COL14A1: variants seen among roughly 807,000 people sequenced by gnomAD.
COL14A1 encodes the protein collagen alpha-1(XIV) chain.
Under a neutral mutation model 230.3 loss-of-function variants are expected in COL14A1, and 136 were observed. The observed-to-expected ratio is 0.59, with a 90% CI of 0.51 to 0.68. The LOEUF (loss-of-function observed/expected upper bound fraction) is 0.68, where lower values mean the gene tolerates loss of function less well. COL14A1 is among the 30% of genes least tolerant of loss of function. COL14A1 has a pLI of 0.00. For missense variants in COL14A1, 1,976 were observed against 2,215.8 expected, an observed-to-expected ratio of 0.89 and a Z score of 2.17; for synonymous variants, 792 against 784.1, an observed-to-expected ratio of 1.01 and a Z score of -0.17.
chr8:120,192,716 C>G (rs1298066408), intron 5 of COL14A1, among the ~76,000 whole-genome samples: 1 of 152,230 alleles, frequency 6.6e-6, no homozygotes, highest in East Asian at 1.9e-4. Flanking sequence ...TTCACGTAGT[C>G]CCATATTTCT....
At chr8:120,318,234 A>G (rs943143600) in intron 40 of COL14A1, among the ~76,000 whole-genome samples, 1 of 152,172 alleles carries the variant, frequency 6.6e-6, no homozygotes, top group Non-Finnish European at 1.5e-5. Flanking sequence ...CAGCCTGGAA[A>G]GAGTTGTTCA....
Position 120,372,195 on chromosome 8 carries a change from A to G in COL14A1, c.*964A>G, listed in dbSNP as rs1812183984. 6.6e-6 allele frequency among the ~76,000 whole-genome samples: 1 copy of G among 152,228 alleles called. No homozygotes were observed. Among genetic ancestry groups the G allele is most frequent in the Non-Finnish European group, 1.5e-5 (1 of 68,034 alleles). On this transcript the variant is annotated 3_prime_UTR_variant, in exon 48 of 48. Transcript: ENST00000297848. ...TCACTCATTCATTCATTCTGAGTGC[A>G]GTAGAAAACAGAAGAAGCAGTTAAC...
chr8:120,341,278 G>GCT (rs745766815), intron 42 of COL14A1, 47 bp from the exon 43 acceptor site: 1 of 1,581,872 alleles, frequency 6.3e-7, no homozygotes, highest in Non-Finnish European at 8.7e-7. Flanking sequence ...ATCACTCTTA[G>GCT]CTAAGTGCAA....
At chr8:120,288,016 T>C (rs139073203) in intron 33 of COL14A1, among the ~76,000 whole-genome samples, 57 of 107,944 alleles carry the variant, frequency 5.3e-4, no homozygotes, top group African/African-American at 2.3e-3. Context: ...ATATCTCCTT[T>C]TGTAAAGCAA....
At chr8:120,250,842 C>G (rs897535160) in intron 22 of COL14A1, 76 bp downstream of exon 22, 8 of 1,538,948 alleles carry the variant, frequency 5.2e-6, no homozygotes, top group Middle Eastern at 2.0e-4. Flanking sequence ...GAGTCTCGCT[C>G]TGTCGCTCAG....
intron 37 of COL14A1, 92 bp downstream of exon 37, chr8:120,310,154 C>A: frequency 7.7e-7 from 1 of 1,298,358 alleles, no homozygotes; most frequent in Non-Finnish European, 1.1e-6. Context: ...ACTTATTTCA[C>A]CCTTGCAATC....
intron 45 of COL14A1, among the ~76,000 whole-genome samples, chr8:120,358,873 A>G (rs527492164): frequency 6.6e-6 from 1 of 152,282 alleles, no homozygotes; most frequent in South Asian, 2.1e-4. Context: ...AATTATCAAA[A>G]TATATTTTTA....
chr8:120,166,924 TGGTGATGATG>T (rs1563646904), intron 4 of COL14A1, among the ~76,000 whole-genome samples: 4 of 68,744 alleles, frequency 5.8e-5, no homozygotes, highest in African/African-American at 2.0e-4. Flanking sequence ...GTGTGTGTGG[TGGTGATGATG>T]GTGGTGGTGG....
intron 40 of COL14A1, among the ~76,000 whole-genome samples, chr8:120,329,319 A>G (rs796532009): frequency 2.0e-4 from 30 of 152,208 alleles, no homozygotes; most frequent in African/African-American, 7.0e-4. Flanking sequence ...ATTTAACATA[A>G]TTTATTGGCT....
At chr8:120,162,621 G>A in intron 4 of COL14A1, 52 bp downstream of exon 4, 1 of 1,457,246 alleles carries the variant, frequency 6.9e-7, no homozygotes, top group Non-Finnish European at 9.2e-7. Context: ...TCCCAGCCTT[G>A]GATTTGAGTC....
intron 37 of COL14A1, among the ~76,000 whole-genome samples, chr8:120,310,623 A>G (rs760528049): frequency 3.8e-4 from 58 of 152,176 alleles, no homozygotes; most frequent in Non-Finnish European, 7.1e-4. Flanking sequence ...CTTTGCACAA[A>G]GGCATCCTGA....
chr8:120,250,677 ACCT>A lies in COL14A1; in HGVS notation c.2668_2670del (p.Leu890del). On this transcript the variant is annotated inframe_deletion, in exon 22 of 48. Coordinates refer to ENST00000297848, the MANE Select transcript of COL14A1 (RefSeq NM_021110.4). ...GACATTAACACCATCCTTATCACAA[ACCT>A]CCTCAGCGGAATGGACTACAATGTG... 6 of 1,614,014 alleles carry A rather than the reference ACCT, an allele frequency of 3.7e-6. No homozygotes were observed. Among genetic ancestry groups the A allele is most frequent in the African/African-American group, 1.3e-5 (1 of 74,992 alleles).
chr8:120,245,168 C>T (rs535913410), intron 20 of COL14A1, among the ~76,000 whole-genome samples: 13 of 152,318 alleles, frequency 8.5e-5, no homozygotes, highest in Non-Finnish European at 1.5e-4. Flanking sequence ...TCTGGCCACC[C>T]CATGCAAAGT....
At chr8:120,248,987 G>T (rs1489965206) in intron 21 of COL14A1, among the ~76,000 whole-genome samples, 2 of 132,130 alleles carry the variant, frequency 1.5e-5, no homozygotes, top group Non-Finnish European at 3.1e-5. Flanking sequence ...GTACAGTGGC[G>T]CAGCCTCGGC....
intron 42 of COL14A1, among the ~76,000 whole-genome samples, chr8:120,336,444 C>T (rs1822074866): frequency 6.6e-6 from 1 of 152,200 alleles, no homozygotes; most frequent in Non-Finnish European, 1.5e-5. Flanking sequence ...AATTCTTTCT[C>T]TAGTTCCATC....
chr8:120,313,834 A>G, intron 37 of COL14A1, 98 bp from the exon 38 acceptor site: 6 of 748,568 alleles, frequency 8.0e-6, no homozygotes, highest in Non-Finnish European at 1.3e-5. Flanking sequence ...GAAAAACTAT[A>G]TAAGAAAACA....
intron 40 of COL14A1, among the ~76,000 whole-genome samples, chr8:120,325,959 A>G (rs1176205641): frequency 1.3e-5 from 2 of 152,210 alleles, no homozygotes; most frequent in African/African-American, 4.8e-5. Context: ...ATTATAGTTA[A>G]GCTGAATGAC....
At chr8:120,228,582 C>A (rs1818164594) in intron 17 of COL14A1, 128 bp from the exon 18 acceptor site, 1 of 685,752 alleles carries the variant, frequency 1.5e-6, no homozygotes, top group East Asian at 2.7e-5. Context: ...CGTCTTCTAA[C>A]CATTGTCATG....
At chr8:120,170,012 T>C (rs1430885440) in intron 5 of COL14A1, among the ~76,000 whole-genome samples, 1 of 152,042 alleles carries the variant, frequency 6.6e-6, no homozygotes, top group Non-Finnish European at 1.5e-5. Context: ...TTACTTCATA[T>C]ATATTTGCCA....
Sources: allele counts gnomAD v4.1 joint callset (sites outside exome capture counted in the v4.1 genomes callset), GRCh38; gene constraint gnomAD v4.1.1; transcripts MANE v1.5; gene names NCBI Gene and HGNC (gene_info 2026-07-23, HGNC 2026-07-21).